MGA: variants seen among roughly 807,000 people sequenced by gnomAD.
The protein encoded by MGA is MAX dimerization protein MGA, also known as MAX gene-associated protein.
A neutral mutation model predicts 261.1 loss-of-function variants in MGA; 40 were observed. The ratio of observed to expected loss-of-function variants is 0.15; its 90% confidence interval spans 0.12 to 0.20. The LOEUF is 0.20. Among genes scored for constraint, MGA ranks in the 10% least tolerant of loss-of-function variants. MGA has a pLI of 1.00. For missense variants in MGA, 3,397 were observed against 3,630.5 expected (o/e 0.94, Z 1.65); for synonymous variants, 1,302 against 1,290.6 (o/e 1.01, Z -0.19).
chr15:41,742,094 A>G (rs943930502), intron 14 of MGA, among the ~76,000 whole-genome samples: 5 of 151,754 alleles, frequency 3.3e-5, no homozygotes, highest in Non-Finnish European at 5.9e-5. Context: ...GAGAGTAGAA[A>G]TAAGCTCAGA....
chr15:41,653,511 TA>T (rs767368716), intron 1 of MGA, among the ~76,000 whole-genome samples: 1 of 151,844 alleles, frequency 6.6e-6, no homozygotes, highest in East Asian at 1.9e-4. Flanking sequence ...AAGTAATATT[TA>T]AAATCCAACC....
chr15:41,679,092 G>C (rs992942777), intron 2 of MGA, among the ~76,000 whole-genome samples: 1 of 152,136 alleles, frequency 6.6e-6, no homozygotes, highest in African/African-American at 2.4e-5. Flanking sequence ...CTGGAATGCA[G>C]TGGTGTGATC....
intron 11 of MGA, 78 bp from the exon 12 acceptor site, chr15:41,734,444 T>C: frequency 1.8e-6 from 2 of 1,132,640 alleles, no homozygotes; most frequent in Non-Finnish European, 2.6e-6. Flanking sequence ...TGTGAGAGAT[T>C]TAATGCTTGT....
At position 41,767,944 on chromosome 15, in the gene MGA, A is replaced by G. The variant is rs1406247300; in HGVS notation, c.*664A>G. ...AACTTTTATTATTAATTATTTTGAG[A>G]TCTTAAAAAAATAGTAGTTCTCCCT... On this transcript the variant is annotated 3_prime_UTR_variant, in exon 24 of 24. Coordinates refer to ENST00000219905, the MANE Select transcript of MGA (RefSeq NM_001164273.2). 5 of 152,398 alleles carry G rather than the reference A, an allele frequency of 3.3e-5. No individual in the cohort carries two copies. The highest frequency in any genetic ancestry group is 1.3e-4 in the Admixed American group (2 of 15,256). 9.4% of individuals were successfully genotyped at this position (152,398 alleles called of 1,614,324 possible). A position where few individuals can be genotyped will look rare whatever the true frequency, so the allele number is the denominator to read the frequency against.
At chr15:41,678,445 A>C (rs1456806943) in intron 2 of MGA, among the ~76,000 whole-genome samples, 3 of 149,896 alleles carry the variant, frequency 2.0e-5, no homozygotes, top group African/African-American at 7.3e-5. Flanking sequence ...GCATGTGTGT[A>C]TCCAGTTTCC....
intron 2 of MGA, among the ~76,000 whole-genome samples, chr15:41,688,884 A>G (rs2059112305): frequency 6.6e-6 from 1 of 152,162 alleles, no homozygotes; most frequent in Non-Finnish European, 1.5e-5. Flanking sequence ...CTCATGTCTC[A>G]TCTTGGCTTG....
Position 41,680,046 on chromosome 15 carries a change from T to C in MGA, c.1064+10088T>C, listed in dbSNP as rs74550266. On this transcript the variant is annotated intron_variant, in intron 2 of 23. Coordinates refer to ENST00000219905, the MANE Select transcript of MGA (RefSeq NM_001164273.2). ...CGTGTGTGTATATTCTTGGACACTG[T>C]TTTCTTCCCTTGATCAGTTTGTCTA... is the stretch of plus-strand genomic sequence containing the variant. 2.2e-3 allele frequency among the ~76,000 whole-genome samples: 332 copies of C among 152,274 alleles called. 1 individual carries two copies. The highest frequency in any genetic ancestry group is 7.7e-3 in the African/African-American group (320 of 41,552).
intron 13 of MGA, among the ~76,000 whole-genome samples, chr15:41,737,627 A>G (rs2061858480): frequency 6.6e-6 from 1 of 152,206 alleles, no homozygotes; most frequent in Non-Finnish European, 1.5e-5. Flanking sequence ...GTATTAGTAA[A>G]ATTATACTGG....
At chr15:41,728,185 G>C (rs183790147) in intron 10 of MGA, among the ~76,000 whole-genome samples, 1 of 152,224 alleles carries the variant, frequency 6.6e-6, no homozygotes, top group African/African-American at 2.4e-5. Context: ...AGAAAAATTA[G>C]CCGGGCGTGG....
Position 41,669,733 on chromosome 15 carries a change from A to C in MGA, c.839A>C (p.Glu280Ala), listed in dbSNP as rs764991096. The change falls in exon 2 of 24, where the codon GAA (glutamate) becomes GCA (alanine). Residue 280 changes from glutamate to alanine, a missense_variant. By Grantham distance (107) the Glu-to-Ala change is moderately radical (BLOSUM62 -1). Coordinates refer to ENST00000219905, the MANE Select transcript of MGA (RefSeq NM_001164273.2). ...AAACAAAAGAACAGCTCTGACCAAG[A>C]AGGGAATAATATTTCCAGTTCTTCT... 21 of 1,613,778 alleles carry C rather than the reference A, an allele frequency of 1.3e-5. 1 individual carries two copies. The South Asian group carries it at 2.3e-4, about 18-fold the overall frequency.
In MGA at chr15:41,736,469, G is replaced by A. The variant is rs1020692300; in HGVS notation, c.4205G>A (p.Cys1402Tyr). The change falls in exon 13 of 24, where the codon TGT becomes TAT. Residue 1402 changes from cysteine to tyrosine, a missense_variant. This residue lies in a region of MGA where 1,410 missense variants were observed against 1,386.4 expected (regional missense o/e 1.02). Transcript: ENST00000219905. ...CGTGTGAAAATCTCTATGCCATCAT[G>A]TCAAGACCAAGATGATATGGCTGAG... 6.2e-7 allele frequency: 1 copy of A among 1,614,034 alleles called. No individual in the cohort carries two copies.
In MGA at chr15:41,729,358, C is replaced by T; in HGVS notation, c.3843+9C>T. 6.3e-7 allele frequency: 1 copy of T among 1,599,532 alleles called. No homozygotes were observed. The highest frequency in any genetic ancestry group is 8.5e-7 in the Non-Finnish European group (1 of 1,173,788). On this transcript the variant is annotated intron_variant, in intron 11 of 23. Coordinates refer to ENST00000219905, the MANE Select transcript of MGA (RefSeq NM_001164273.2). ...ACCATAATAATGCAAAGGTGAGTTT[C>T]TTGTTGCATAAGTTCTTTTTAACTT...
chr15:41,757,759 A>C (rs2063227135), intron 18 of MGA, 29 bp from the exon 19 acceptor site: 1 of 1,577,500 alleles, frequency 6.3e-7, no homozygotes, highest in African/African-American at 1.3e-5. Flanking sequence ...AATTTCAGTA[A>C]GACACTGAAA....
chr15:41,678,868 C>G (rs917595556), intron 2 of MGA, among the ~76,000 whole-genome samples: 3 of 151,546 alleles, frequency 2.0e-5, no homozygotes, highest in African/African-American at 7.3e-5. Flanking sequence ...AGATTGATTT[C>G]TCAGCTCTCT....
intron 1 of MGA, among the ~76,000 whole-genome samples, chr15:41,651,288 T>C (rs1262368433): frequency 6.6e-6 from 1 of 152,214 alleles, no homozygotes; most frequent in African/African-American, 2.4e-5. Flanking sequence ...ATAGTACTTA[T>C]GAGATAAGTT....
At chr15:41,698,837 T>C in intron 3 of MGA, 26 bp from the exon 4 acceptor site, 1 of 1,419,534 alleles carries the variant, frequency 7.0e-7, no homozygotes, top group Non-Finnish European at 9.5e-7. Flanking sequence ...TATGAACTAC[T>C]ATTTTTTTTT....
At chr15:41,667,031 G>C (rs1369011417) in intron 1 of MGA, among the ~76,000 whole-genome samples, 1 of 152,138 alleles carries the variant, frequency 6.6e-6, no homozygotes, top group African/African-American at 2.4e-5. Flanking sequence ...GGAGAATGCT[G>C]GTTGACCTAA....
chr15:41,730,719 C>T (rs2061463428), intron 11 of MGA, among the ~76,000 whole-genome samples: 1 of 152,156 alleles, frequency 6.6e-6, no homozygotes, highest in Admixed American at 6.5e-5. Flanking sequence ...CATTCTAAAA[C>T]ACTTCCTCTT....
chr15:41,656,344 T>TCTCTC (rs149903830), upstream of MGA, among the ~76,000 whole-genome samples: 142 of 59,980 alleles, frequency 2.4e-3, 4 homozygotes, highest in Middle Eastern at 0.019. Flanking sequence ...CTCTCCTCTC[T>TCTCTC]TCTCTCTCTC....
Sources: allele counts gnomAD v4.1 joint callset (sites outside exome capture counted in the v4.1 genomes callset), GRCh38; gene constraint gnomAD v4.1.1; regional missense constraint gnomAD v4.1.1; transcripts MANE v1.5; gene names NCBI Gene and HGNC (gene_info 2026-07-23, HGNC 2026-07-21).